Variants in NEBL observed in about 807,000 individuals in gnomAD.
NEBL encodes the protein nebulette.
NEBL carries 122 observed loss-of-function variants against 140.2 expected under a neutral mutation model. That is an observed-to-expected ratio of 0.87 (90% CI 0.75 to 1.01). The LOEUF is 1.01. Among genes scored for constraint, NEBL ranks in the 50% least tolerant of loss-of-function variants. NEBL has a pLI of 0.00. For synonymous variants in NEBL, 436 were observed against 398.9 expected (o/e 1.09, Z -1.11); for missense variants, 1,365 against 1,231.3 (o/e 1.11, Z -1.62).
chr10:21,179,239 G>T (rs1476876639), upstream of NEBL, among the ~76,000 whole-genome samples: 1 of 152,122 alleles, frequency 6.6e-6, no homozygotes, highest in Non-Finnish European at 1.5e-5. Context: ...GTTATTTGGG[G>T]CCTATTGCTT....
intron 1 of NEBL, among the ~76,000 whole-genome samples, chr10:21,288,103 AG>A (rs1413400863): frequency 6.6e-6 from 1 of 152,222 alleles, no homozygotes; most frequent in African/African-American, 2.4e-5. Flanking sequence ...CCTGGTACCT[AG>A]AAACCATTAA....
intron 3 of NEBL, among the ~76,000 whole-genome samples, chr10:21,228,771 T>G (rs1048167374): frequency 3.3e-5 from 5 of 152,236 alleles, no homozygotes; most frequent in African/African-American, 1.2e-4. Flanking sequence ...AGAAATGTAA[T>G]TGTACCTTAT....
At chr10:21,103,380 A>C (rs1019088464) in intron 2 of NEBL, among the ~76,000 whole-genome samples, 1 of 151,832 alleles carries the variant, frequency 6.6e-6, no homozygotes, top group East Asian at 1.9e-4. Flanking sequence ...TGCCCGGCTA[A>C]TTTTTTGTAT....
At chr10:21,177,818 G>C (rs566050371), upstream of NEBL, among the ~76,000 whole-genome samples, 37 of 152,210 alleles carry the variant, frequency 2.4e-4, no homozygotes, top group African/African-American at 8.2e-4. Flanking sequence ...GTGAGCCACC[G>C]TGCCCAGCCT....
intron 26 of NEBL, among the ~76,000 whole-genome samples, chr10:20,789,232 T>C (rs1416675200): frequency 1.3e-5 from 2 of 152,216 alleles, no homozygotes; most frequent in African/African-American, 4.8e-5. Context: ...CTTCATTAAT[T>C]ACTACTTGAA....
intron 1 of NEBL, among the ~76,000 whole-genome samples, chr10:21,269,685 T>C (rs1161081879): frequency 1.3e-5 from 2 of 152,232 alleles, no homozygotes; most frequent in South Asian, 2.1e-4. Context: ...AGGCTGTCCA[T>C]ACTGGCTTTT....
rs12259999 is a variant in NEBL, at chr10:21,216,813, A to G, written n.348+31108T>C. Among the ~76,000 whole-genome samples, 574 of 149,002 alleles carry G rather than the reference A, an allele frequency of 3.9e-3. 5 individuals are homozygous for G. Among genetic ancestry groups the G allele is most frequent in the African/African-American group, 0.014 (552 of 40,402 alleles). On this transcript the variant is annotated intron_variant and non_coding_transcript_variant, in intron 3 of 8. Coordinates refer to the NEBL transcript ENST00000675702. Reference sequence around the variant, plus strand: ...AAGAAAAAAGAAAAGAAACACGAAAACCCATCACTACTAAATATACAAAAA... The same window carrying G: ...AAGAAAAAAGAAAAGAAACACGAAAGCCCATCACTACTAAATATACAAAAA...
chr10:21,083,829 A>C (rs1202139612), intron 2 of NEBL, among the ~76,000 whole-genome samples: 1 of 152,128 alleles, frequency 6.6e-6, no homozygotes, highest in East Asian at 1.9e-4. Context: ...TAGGTGACAA[A>C]TGTGCAAATG....
At chr10:21,107,535 A>G (rs1837776458) in intron 2 of NEBL, among the ~76,000 whole-genome samples, 2 of 152,190 alleles carry the variant, frequency 1.3e-5, no homozygotes, top group African/African-American at 4.8e-5. Flanking sequence ...ATCATGACAG[A>G]TAAGCTTTCT....
intron 2 of NEBL, among the ~76,000 whole-genome samples, chr10:21,154,797 T>C (rs1390091499): frequency 6.6e-6 from 1 of 152,250 alleles, no homozygotes; most frequent in Non-Finnish European, 1.5e-5. Context: ...ATTTGAAATA[T>C]ATACAGGGGT....
At chr10:20,958,011 C>T (rs891019588) in intron 4 of NEBL, among the ~76,000 whole-genome samples, 2 of 152,156 alleles carry the variant, frequency 1.3e-5, no homozygotes, top group Non-Finnish European at 2.9e-5. Context: ...TAGCCTGAGT[C>T]CCTTGAATGT....
Position 20,780,266 on chromosome 10 carries a change from C to T in NEBL, c.*5481G>A, listed in dbSNP as rs983036759. 2.6e-5 allele frequency: 4 copies of T among 152,138 alleles called. No individual in the cohort carries two copies. The highest frequency in any genetic ancestry group is 4.4e-5 in the Non-Finnish European group (3 of 68,040). 9.4% of individuals were successfully genotyped at this position (152,138 alleles called of 1,614,324 possible). A position where few individuals can be genotyped will look rare whatever the true frequency, so the allele number is the denominator to read the frequency against. On this transcript the variant is annotated 3_prime_UTR_variant, in exon 28 of 28. Coordinates refer to ENST00000377122, the MANE Select transcript of NEBL (RefSeq NM_006393.3). ...ATTTGTGCACTTTCTATTCTATGCT[C>T]CAAACCATTTCTTTCATCTTATGAA...
chr10:21,128,115 T>C (rs1838922998), intron 2 of NEBL, among the ~76,000 whole-genome samples: 1 of 152,154 alleles, frequency 6.6e-6, no homozygotes, highest in African/African-American at 2.4e-5. Context: ...CCAGCACACA[T>C]TCATTTCATT....
At chr10:20,827,696 G>C (rs1056903077) in intron 17 of NEBL, among the ~76,000 whole-genome samples, 6 of 152,062 alleles carry the variant, frequency 3.9e-5, no homozygotes, top group Admixed American at 1.3e-4. Context: ...TGATAGACTG[G>C]ATAAAGAAAA....
chr10:21,195,196 T>C (rs1326254982), intron 3 of NEBL, among the ~76,000 whole-genome samples: 1 of 152,126 alleles, frequency 6.6e-6, no homozygotes, highest in African/African-American at 2.4e-5. Context: ...ACCCTAGAAA[T>C]GTCAGTAGAT....
intron 14 of NEBL, among the ~76,000 whole-genome samples, chr10:20,832,012 G>A (rs1840462968): frequency 1.3e-5 from 2 of 151,964 alleles, no homozygotes; most frequent in African/African-American, 2.4e-5. Flanking sequence ...TCCCTAATTT[G>A]CCACTAGACA....
At chr10:20,949,396 T>C (rs892883300) in intron 4 of NEBL, among the ~76,000 whole-genome samples, 1 of 152,174 alleles carries the variant, frequency 6.6e-6, no homozygotes, top group African/African-American at 2.4e-5. Context: ...CAAACCACCA[T>C]GGCACATGTA....
At chr10:21,140,209 A>C (rs149200918) in intron 2 of NEBL, among the ~76,000 whole-genome samples, 1,894 of 152,222 alleles carry the variant, frequency 0.012, 37 homozygotes, top group African/African-American at 0.041. Flanking sequence ...GGAATGGTTG[A>C]GAATCTGATA....
intron 1 of NEBL, among the ~76,000 whole-genome samples, chr10:21,271,806 G>A (rs1172058293): frequency 2.0e-5 from 3 of 152,062 alleles, no homozygotes; most frequent in Admixed American, 6.6e-5. Context: ...GATTACAGGC[G>A]TGAGCCACTG....
Sources: allele counts gnomAD v4.1 joint callset (sites outside exome capture counted in the v4.1 genomes callset), GRCh38; gene constraint gnomAD v4.1.1; transcripts MANE v1.5; gene names NCBI Gene and HGNC (gene_info 2026-07-23, HGNC 2026-07-21).